Variants in MPPED2 observed in about 807,000 individuals in gnomAD.
MPPED2 encodes the protein metallophosphoesterase domain containing 2.
Under a neutral mutation model 33.0 loss-of-function variants are expected in MPPED2, and 5 were observed. That is an observed-to-expected ratio of 0.15 (90% CI 0.08 to 0.32). The LOEUF is 0.32. Ranked by LOEUF, MPPED2 falls within the 10% of genes least tolerant of loss-of-function variation. The probability of loss-of-function intolerance (pLI) is 1.00; values close to 1 mark genes in which losing one functional copy is unlikely to be tolerated. For synonymous variants in MPPED2, 136 were observed against 141.9 expected (o/e 0.96, Z 0.29); for missense variants, 275 against 372.1 (o/e 0.74, Z 2.15).
At chr11:30,436,451 G>C (rs1354519569) in intron 4 of MPPED2, among the ~76,000 whole-genome samples, 1 of 152,162 alleles carries the variant, frequency 6.6e-6, no homozygotes, top group Admixed American at 6.5e-5. Context: ...AAGCACTGTT[G>C]CCGGGGTTAA....
intron 3 of MPPED2, among the ~76,000 whole-genome samples, chr11:30,506,466 A>G (rs954245277): frequency 6.6e-6 from 1 of 152,206 alleles, no homozygotes; most frequent in Non-Finnish European, 1.5e-5. Flanking sequence ...ATAAACTAGT[A>G]GTGTTGGCTG....
chr11:30,438,680 C>T (rs1008287663), intron 4 of MPPED2, among the ~76,000 whole-genome samples: 1 of 152,190 alleles, frequency 6.6e-6, no homozygotes, highest in African/African-American at 2.4e-5. Flanking sequence ...AGGTGAAAGA[C>T]ATTACTATTC....
intron 3 of MPPED2, among the ~76,000 whole-genome samples, chr11:30,499,555 A>T (rs1367782297): frequency 6.6e-6 from 1 of 152,040 alleles, no homozygotes; most frequent in East Asian, 1.9e-4. Flanking sequence ...TTTTCCAGGC[A>T]TCTCCTCTCT....
chr11:30,570,894 A>G (rs1956659960), intron 2 of MPPED2, among the ~76,000 whole-genome samples: 1 of 152,190 alleles, frequency 6.6e-6, no homozygotes, highest in Non-Finnish European at 1.5e-5. Context: ...ACAGCAAGAC[A>G]GGAAAGGATA....
At chr11:30,479,959 G>A (rs1350310580) in intron 4 of MPPED2, among the ~76,000 whole-genome samples, 3 of 152,114 alleles carry the variant, frequency 2.0e-5, no homozygotes, top group African/African-American at 7.2e-5. Flanking sequence ...GCAAGCTACA[G>A]GGACACCCAA....
intron 4 of MPPED2, among the ~76,000 whole-genome samples, chr11:30,480,911 G>C (rs1951456384): frequency 1.3e-5 from 2 of 152,068 alleles, no homozygotes; most frequent in Admixed American, 6.6e-5. Context: ...TCCACAGGTA[G>C]GTCAGTTTTT....
chr11:30,583,134 C>CATTTTTTTTT (rs1957251645), intron 1 of MPPED2, among the ~76,000 whole-genome samples: 1 of 96,712 alleles, frequency 1.0e-5, no homozygotes, highest in Non-Finnish European at 2.0e-5. Context: ...AAGACTTTTT[C>CATTTTTTTTT]TTTTTTTTTT....
intron 3 of MPPED2, among the ~76,000 whole-genome samples, chr11:30,505,196 G>A (rs1952764953): frequency 6.6e-6 from 1 of 152,154 alleles, no homozygotes; most frequent in Non-Finnish European, 1.5e-5. Flanking sequence ...ACTGCCCAGA[G>A]ATTTTATTGC....
rs200904824 is a variant in MPPED2, at chr11:30,435,859, GT to G, written c.537-18227del. On this transcript the variant is annotated intron_variant, in intron 4 of 6. Coordinates refer to ENST00000358117, the MANE Select transcript of MPPED2 (RefSeq NM_001584.3). The stretch of plus-strand genomic sequence containing the variant: ...AGGTCAGCCTGTCTATAAACCTCAT[GT>G]TTTTTTCCCCCTAACAAGCTACAGG... 5.2e-3 allele frequency among the ~76,000 whole-genome samples: 793 copies of G among 152,124 alleles called. 5 individuals are homozygous for G. Among genetic ancestry groups the G allele is most frequent in the African/African-American group, 0.017 (704 of 41,496 alleles).
At chr11:30,500,881 T>C (rs569933862) in intron 3 of MPPED2, among the ~76,000 whole-genome samples, 3 of 152,292 alleles carry the variant, frequency 2.0e-5, no homozygotes, top group East Asian at 1.9e-4. Context: ...GTAACTTCCA[T>C]AGAATTCCAG....
chr11:30,479,659 G>C (rs1951389901), intron 4 of MPPED2, among the ~76,000 whole-genome samples: 1 of 151,908 alleles, frequency 6.6e-6, no homozygotes. Flanking sequence ...AATACCATTT[G>C]ATTTTCTTTC....
At chr11:30,480,603 G>A (rs551398259) in intron 4 of MPPED2, among the ~76,000 whole-genome samples, 28 of 152,164 alleles carry the variant, frequency 1.8e-4, no homozygotes, top group South Asian at 1.5e-3. Context: ...AATTTAATTT[G>A]GAGTTTTGAG....
At chr11:30,553,736 G>A (rs1172956027) in intron 2 of MPPED2, among the ~76,000 whole-genome samples, 1 of 152,162 alleles carries the variant, frequency 6.6e-6, no homozygotes, top group Non-Finnish European at 1.5e-5. Flanking sequence ...CAAGCCACAT[G>A]CGGGAGGGAT....
intron 1 of MPPED2, among the ~76,000 whole-genome samples, chr11:30,581,327 C>T (rs1287596506): frequency 6.6e-6 from 1 of 152,112 alleles, no homozygotes; most frequent in East Asian, 1.9e-4. Flanking sequence ...TTAAAATTTC[C>T]ATTAGTTCTG....
At chr11:30,426,558 C>T (rs1366074240) in intron 4 of MPPED2, among the ~76,000 whole-genome samples, 1 of 152,178 alleles carries the variant, frequency 6.6e-6, no homozygotes, top group Non-Finnish European at 1.5e-5. Context: ...CCAGGGTATA[C>T]ACTCATTCAA....
chr11:30,456,666 G>A (rs1014720710), intron 4 of MPPED2, among the ~76,000 whole-genome samples: 3 of 152,080 alleles, frequency 2.0e-5, no homozygotes, highest in African/African-American at 4.8e-5. Flanking sequence ...GTAACCCTAA[G>A]AATCAAATAG....
rs182977880 is a variant in MPPED2 at position 30,544,111 on chromosome 11, G to A, written c.129-7936C>T. On this transcript the variant is annotated intron_variant, in intron 2 of 6. Coordinates refer to ENST00000358117, the MANE Select transcript of MPPED2 (RefSeq NM_001584.3). ...GTAACAATTTAATTCTTTGAGCACT[G>A]CATGCAATATGAATTCATGGTCCTT... Among the ~76,000 whole-genome samples the A allele has an allele frequency of 9.2e-5, 14 of 152,224 alleles. No individual in the cohort carries two copies. The East Asian group carries it at 1.7e-3, about 19-fold the overall frequency.
chr11:30,435,536 C>T (rs904193955), intron 4 of MPPED2, among the ~76,000 whole-genome samples: 2 of 152,192 alleles, frequency 1.3e-5, no homozygotes, highest in South Asian at 4.1e-4. Context: ...TCTGGCTAAG[C>T]ATACTGCAGT....
intron 2 of MPPED2, among the ~76,000 whole-genome samples, chr11:30,560,886 G>A (rs1956212167): frequency 6.6e-6 from 1 of 152,160 alleles, no homozygotes; most frequent in Non-Finnish European, 1.5e-5. Context: ...CAATCAGGCT[G>A]AAGACCTTTA....
Sources: gnomAD v4.1 joint callset for allele counts (sites outside exome capture counted in the v4.1 genomes callset) on GRCh38, gnomAD v4.1.1 for gene constraint, MANE v1.5 for transcripts, NCBI Gene and HGNC (gene_info 2026-07-23, HGNC 2026-07-21) for gene names.